The following KAZN variants were observed in gnomAD, a reference collection of about 807,000 sequenced individuals.
KAZN encodes the protein kazrin.
In KAZN, 40 loss-of-function variants were observed where a neutral mutation model predicts 87.4. That is an observed-to-expected ratio of 0.46 (90% confidence interval 0.36 to 0.60). The LOEUF (loss-of-function observed/expected upper bound fraction) is 0.60. Among genes scored for constraint, KAZN ranks in the 20% least tolerant of loss-of-function variants. KAZN has a pLI of 0.00. For missense variants in KAZN, 898 were observed against 1,073.9 expected (o/e 0.84, Z 2.29); for synonymous variants, 466 against 458.3 (o/e 1.02, Z -0.22).
chr1:13,895,670 G>A (rs546510718), intron 1 of KAZN, among the ~76,000 whole-genome samples: 7 of 152,262 alleles, frequency 4.6e-5, no homozygotes, highest in African/African-American at 1.7e-4. Context: ...TATCACAAAC[G>A]AGATCTTAAG....
In KAZN at chr1:14,424,839, C is replaced by T. The variant is rs369188334; in HGVS notation, c.250-174144C>T. On this transcript the variant is annotated intron_variant, in intron 2 of 16. Transcript: ENST00000636203. ...AGAGAAAAGAAGGGCCAGATAGATT[C>T]CCAGGCCCCATCTGCTTGCTGAGCC... 2.0e-5 allele frequency among the ~76,000 whole-genome samples: 3 copies of T among 152,300 alleles called. No individual in the cohort carries two copies. In the East Asian group the frequency reaches 5.8e-4, roughly 29 times the overall value.
intron 2 of KAZN, among the ~76,000 whole-genome samples, chr1:14,546,249 A>G (rs1354777992): frequency 6.6e-6 from 1 of 152,198 alleles, no homozygotes; most frequent in African/African-American, 2.4e-5. Flanking sequence ...ATAGCCAATC[A>G]TTTCTGAGCA....
chr1:14,558,385 T>C (rs1304132028), intron 2 of KAZN, among the ~76,000 whole-genome samples: 2 of 152,216 alleles, frequency 1.3e-5, no homozygotes, highest in Non-Finnish European at 2.9e-5. Context: ...AGTAAACATC[T>C]TTTTTCTTTT....
chr1:15,070,463 C>T (rs1166785082), intron 8 of KAZN, among the ~76,000 whole-genome samples: 8 of 152,192 alleles, frequency 5.3e-5, no homozygotes, highest in Admixed American at 2.0e-4. Context: ...TGTACCAGAG[C>T]TGCAGATCCT....
intron 2 of KAZN, among the ~76,000 whole-genome samples, chr1:14,352,894 A>G (rs1281173011): frequency 6.6e-6 from 1 of 152,248 alleles, no homozygotes; most frequent in Non-Finnish European, 1.5e-5. Flanking sequence ...GAAATTTATG[A>G]TATTAACCAA....
intron 1 of KAZN, among the ~76,000 whole-genome samples, chr1:14,079,834 C>G (rs566218946): frequency 1.3e-4 from 20 of 152,238 alleles, no homozygotes; most frequent in African/African-American, 3.6e-4. Context: ...TGGGCTGGCA[C>G]CAAGCCATTC....
chr1:14,902,041 G>A (rs1030897642), intron 1 of KAZN, among the ~76,000 whole-genome samples: 5 of 152,086 alleles, frequency 3.3e-5, no homozygotes, highest in Admixed American at 6.6e-5. Context: ...CCAACCCACC[G>A]GGCACGTTAA....
chr1:14,675,147 T>C (rs980651985), intron 1 of KAZN, among the ~76,000 whole-genome samples: 1 of 152,208 alleles, frequency 6.6e-6, no homozygotes, highest in African/African-American at 2.4e-5. Flanking sequence ...GGTTTATTCC[T>C]CCTACCAAGG....
chr1:14,853,939 G>A (rs544396068), intron 1 of KAZN, among the ~76,000 whole-genome samples: 138 of 152,314 alleles, frequency 9.1e-4, no homozygotes, highest in African/African-American at 3.2e-3. Context: ...GAAGTGAGAG[G>A]AGAGAGATGT....
At chr1:14,715,955 C>T (rs1017817818) in intron 1 of KAZN, among the ~76,000 whole-genome samples, 1 of 152,092 alleles carries the variant, frequency 6.6e-6, no homozygotes, top group Non-Finnish European at 1.5e-5. Flanking sequence ...GGGGTGAAAG[C>T]GGTGCAACTG....
chr1:14,062,495 G>T lies in KAZN; in HGVS notation c.92-117940G>T, dbSNP rs1053838355. Among the ~76,000 whole-genome samples the T allele has an allele frequency of 7.9e-5, 12 of 152,174 alleles. 1 individual carries two copies. In the South Asian group the frequency reaches 2.3e-3, roughly 29 times the overall value. ...AAAACTTTGTTTATTCAGGCAAATG[G>T]GAAGCAAGACAAGTCTGAATTATTG... On this transcript the variant is annotated intron_variant, in intron 1 of 16. Coordinates refer to the KAZN transcript ENST00000636203.
At position 14,573,927 on chromosome 1, in the gene KAZN, C is replaced by G. The variant is rs114757229; in HGVS notation, c.250-25056C>G. Among the ~76,000 whole-genome samples the G allele has an allele frequency of 4.3e-3, 651 of 152,174 alleles. 6 individuals are homozygous for G. Among genetic ancestry groups the G allele is most frequent in the African/African-American group, 0.015 (616 of 41,498 alleles). ...ATTAAGATAAATATGTTACCAATGC[C>G]AGAGGTGGCTAGGAGCTCAGATTCT... On this transcript the variant is annotated intron_variant, in intron 2 of 16. Coordinates refer to the KAZN transcript ENST00000636203.
At chr1:14,664,015 T>C (rs750939321) in intron 1 of KAZN, among the ~76,000 whole-genome samples, 1 of 152,242 alleles carries the variant, frequency 6.6e-6, no homozygotes, top group Non-Finnish European at 1.5e-5. Context: ...TGTTGACACA[T>C]GCTACCAGAT....
intron 8 of KAZN, among the ~76,000 whole-genome samples, chr1:15,070,709 C>G (rs1255155940): frequency 1.3e-5 from 2 of 152,206 alleles, no homozygotes; most frequent in African/African-American, 4.8e-5. Flanking sequence ...AGTGTGGTGG[C>G]ACACGCCTGT....
At chr1:14,477,268 G>A (rs1668789289) in intron 2 of KAZN, among the ~76,000 whole-genome samples, 1 of 152,168 alleles carries the variant, frequency 6.6e-6, no homozygotes, top group Non-Finnish European at 1.5e-5. Context: ...ATCCACGTAA[G>A]ATGTGACTTG....
chr1:15,001,211 C>T (rs1207972004), intron 2 of KAZN, among the ~76,000 whole-genome samples: 1 of 151,742 alleles, frequency 6.6e-6, no homozygotes, highest in African/African-American at 2.4e-5. Context: ...CCTGTAATCC[C>T]AGCACTTTGG....
chr1:14,702,914 T>C (rs1642013032), intron 1 of KAZN, among the ~76,000 whole-genome samples: 2 of 152,198 alleles, frequency 1.3e-5, no homozygotes, highest in Admixed American at 1.3e-4. Flanking sequence ...TCCCCCTCCA[T>C]TAAAGAAATT....
intron 3 of KAZN, among the ~76,000 whole-genome samples, chr1:15,039,891 G>C (rs1379696004): frequency 6.6e-6 from 1 of 152,186 alleles, no homozygotes; most frequent in East Asian, 1.9e-4. Flanking sequence ...AGCAGCAAGT[G>C]CCACTTTTAT....
chr1:14,183,316 G>GA, intron 2 of KAZN, among the ~76,000 whole-genome samples: 1 of 152,280 alleles, frequency 6.6e-6, no homozygotes, highest in East Asian at 1.9e-4. Flanking sequence ...ATCCATCCTG[G>GA]AAAATGGAAT....
Sources: gnomAD v4.1 joint callset for allele counts (sites outside exome capture counted in the v4.1 genomes callset) on GRCh38, gnomAD v4.1.1 for gene constraint, MANE v1.5 for transcripts, NCBI Gene and HGNC (gene_info 2026-07-23, HGNC 2026-07-21) for gene names.